Variants in SEPHS1 observed in about 807,000 individuals in gnomAD.
The protein encoded by SEPHS1 is zincore component SEPHS1.
Under a neutral mutation model 39.2 loss-of-function variants are expected in SEPHS1, and 7 were observed. That is an observed-to-expected ratio of 0.18 (90% CI 0.10 to 0.34). The LOEUF is 0.34. Among genes scored for constraint, SEPHS1 ranks in the 10% least tolerant of loss-of-function variants. The probability of loss-of-function intolerance (pLI) is 1.00; values close to 1 mark genes in which losing one functional copy is unlikely to be tolerated. For synonymous variants in SEPHS1, 190 were observed against 195.5 expected (o/e 0.97, Z 0.23); for missense variants, 253 against 514.5 (o/e 0.49, Z 4.92).
chr10:13,320,661 T>C (rs942155259), intron 8 of SEPHS1, among the ~76,000 whole-genome samples: 6 of 151,626 alleles, frequency 4.0e-5, no homozygotes, highest in African/African-American at 1.2e-4. Flanking sequence ...CTGGCCAACA[T>C]GGTAAAACCT....
At chr10:13,330,479 A>G (rs1305021955) in intron 5 of SEPHS1, among the ~76,000 whole-genome samples, 4 of 152,188 alleles carry the variant, frequency 2.6e-5, no homozygotes, top group Non-Finnish European at 4.4e-5. Context: ...CCTCTAAAAG[A>G]TGACAACTGG....
chr10:13,338,332 G>A (rs1328334512), intron 3 of SEPHS1, among the ~76,000 whole-genome samples: 1 of 152,322 alleles, frequency 6.6e-6, no homozygotes. Flanking sequence ...AACATCTCCA[G>A]CCTAAAACAC....
chr10:13,342,549 G>A (rs368664340), intron 2 of SEPHS1, among the ~76,000 whole-genome samples: 87 of 152,230 alleles, frequency 5.7e-4, no homozygotes, highest in Admixed American at 2.5e-3. Context: ...TTGTGCCACT[G>A]CACTCCAGCC....
intron 2 of SEPHS1, among the ~76,000 whole-genome samples, chr10:13,343,080 G>A (rs571775418): frequency 1.3e-5 from 2 of 152,326 alleles, no homozygotes; most frequent in African/African-American, 4.8e-5. Context: ...TGAGGCTCAG[G>A]AGGGCTGGGT....
At chr10:13,333,784 AGG>A in intron 5 of SEPHS1, 31 bp downstream of exon 5, 1 of 1,605,096 alleles carries the variant, frequency 6.2e-7, no homozygotes, top group South Asian at 1.1e-5. Flanking sequence ...AGAGAAAAAC[AGG>A]TCAGGTGATA....
At position 13,344,743 on chromosome 10, in the gene SEPHS1, C is replaced by A. The variant is rs768136087; in HGVS notation, c.193+15G>T. On this transcript the variant is annotated intron_variant, in intron 2 of 8. Transcript: ENST00000327347. Reference sequence around the variant, plus strand: ...ATTGGATCGCAGACCATCAAAGAAACACTGGGTTACCTACCAAGCCTTGGC... The same window carrying A: ...ATTGGATCGCAGACCATCAAAGAAAAACTGGGTTACCTACCAAGCCTTGGC... 1 of 1,457,312 alleles carries A rather than the reference C, an allele frequency of 6.9e-7. No individual in the cohort carries two copies. Among genetic ancestry groups the A allele is most frequent in the Admixed American group, 2.3e-5 (1 of 43,898 alleles). The allele number at this position is 1,457,312 out of a possible 1,614,324, so 90.3% of individuals were successfully genotyped here. A position where few individuals can be genotyped will look rare whatever the true frequency, so the allele number is the denominator to read the frequency against.
chr10:13,336,568 C>A, intron 3 of SEPHS1: 1 of 594,606 alleles, frequency 1.7e-6, no homozygotes, highest in Non-Finnish European at 3.0e-6. Flanking sequence ...TTCCTGTTAC[C>A]ACCTCTTTCT....
chr10:13,335,363 C>G (rs935950176), intron 4 of SEPHS1, among the ~76,000 whole-genome samples: 1 of 152,170 alleles, frequency 6.6e-6, no homozygotes, highest in Non-Finnish European at 1.5e-5. Flanking sequence ...ATGGCCAAAA[C>G]TTTATTTTAA....
intron 4 of SEPHS1, among the ~76,000 whole-genome samples, chr10:13,335,750 T>C (rs1035078531): frequency 8.6e-5 from 13 of 151,924 alleles, no homozygotes; most frequent in African/African-American, 3.1e-4. Flanking sequence ...GATGCCGAGA[T>C]AGGTGGATTA....
chr10:13,336,382 A>G, intron 3 of SEPHS1, 32 bp from the exon 4 acceptor site: 1 of 1,518,222 alleles, frequency 6.6e-7, no homozygotes, highest in South Asian at 1.1e-5. Context: ...AGAAAGGACG[A>G]CCGGGGACTT....
intron 7 of SEPHS1, among the ~76,000 whole-genome samples, chr10:13,325,895 C>CAAAAAAAAAAAAA (rs562038894): frequency 3.8e-5 from 1 of 26,450 alleles, no homozygotes; most frequent in Non-Finnish European, 5.8e-5. Flanking sequence ...GACTCCGTCT[C>CAAAAAAAAAAAAA]AAAAAAAAAA....
chr10:13,339,979 A>T (rs1438061941), intron 2 of SEPHS1, among the ~76,000 whole-genome samples: 1 of 152,232 alleles, frequency 6.6e-6, no homozygotes, highest in East Asian at 1.9e-4. Context: ...AATAGCCAAA[A>T]GCAGGGAAAA....
At chr10:13,321,635 G>T (rs999201057) in intron 8 of SEPHS1, among the ~76,000 whole-genome samples, 5 of 152,158 alleles carry the variant, frequency 3.3e-5, no homozygotes, top group African/African-American at 1.2e-4. Flanking sequence ...GAAAAAAAGG[G>T]AAAAACAGGG....
chr10:13,329,344 C>T (rs1366925056), intron 6 of SEPHS1, among the ~76,000 whole-genome samples: 1 of 152,118 alleles, frequency 6.6e-6, no homozygotes, highest in African/African-American at 2.4e-5. Flanking sequence ...TATTTATACC[C>T]CAAACACTAC....
At position 13,338,726 on chromosome 10, in the gene SEPHS1, G is replaced by A. The variant is rs774883874; in HGVS notation, c.276C>T (p.Ile92=). Residue 92 remains isoleucine (I), a synonymous_variant, in exon 3 of 9, where the codon ATC becomes ATT. Coordinates refer to ENST00000327347, the MANE Select transcript of SEPHS1 (RefSeq NM_012247.5). The stretch of plus-strand genomic sequence containing the variant: ...TTACCATCATGTAAGGGTCGTCTAC[G>A]ATCGGGTAAATGTAATCTGTGGTTT... ...LVQTTDYIYP[I]VDDPYMMGRI... 28 of 1,613,824 alleles carry A rather than the reference G, an allele frequency of 1.7e-5. No individual in the cohort carries two copies. Among genetic ancestry groups the A allele is most frequent in the African/African-American group, 9.3e-5 (7 of 74,922 alleles).
chr10:13,342,513 G>A (rs1833821531), intron 2 of SEPHS1, among the ~76,000 whole-genome samples: 1 of 151,830 alleles, frequency 6.6e-6, no homozygotes, highest in African/African-American at 2.4e-5. Context: ...TTGAACCTGG[G>A]AAGCGGAGGT....
intron 4 of SEPHS1, among the ~76,000 whole-genome samples, chr10:13,334,867 G>A (rs2130672580): frequency 6.6e-6 from 1 of 152,338 alleles, no homozygotes. Flanking sequence ...GATGACTGCT[G>A]GAAGCCAGCT....
At chr10:13,319,741 A>G (rs1209749592) in intron 8 of SEPHS1, among the ~76,000 whole-genome samples, 1 of 152,208 alleles carries the variant, frequency 6.6e-6, no homozygotes, top group African/African-American at 2.4e-5. Flanking sequence ...TGGCCTCCCA[A>G]AGTGCTGAGA....
chr10:13,329,524 A>T (rs1350459330), intron 6 of SEPHS1, among the ~76,000 whole-genome samples, 174 bp downstream of exon 6: 1 of 152,224 alleles, frequency 6.6e-6, no homozygotes, highest in African/African-American at 2.4e-5. Context: ...AGCATTCAAT[A>T]TGCAAAACTG....
Sources: allele counts gnomAD v4.1 joint callset (sites outside exome capture counted in the v4.1 genomes callset), GRCh38; gene constraint gnomAD v4.1.1; transcripts MANE v1.5; gene names NCBI Gene and HGNC (gene_info 2026-07-23, HGNC 2026-07-21).